Variants in CEACAM5 observed in about 807,000 individuals in gnomAD.
CEACAM5 encodes CEA cell adhesion molecule 5, also known as cell adhesion molecule CEACAM5.
CEACAM5 carries 52 observed loss-of-function variants against 63.0 expected under a neutral mutation model. The observed-to-expected ratio is 0.83, with a 90% CI of 0.66 to 1.04. The LOEUF is 1.04. Ranked by LOEUF, CEACAM5 falls within the 50% of genes least tolerant of loss-of-function variation. CEACAM5 has a pLI of 0.00. For missense variants in CEACAM5, 790 were observed against 864.8 expected (o/e 0.91, Z 1.08); for synonymous variants, 357 against 351.3 (o/e 1.02, Z -0.18).
chr19:41,715,005 C>T lies in CEACAM5; in HGVS notation c.459C>T (p.Asn153=), dbSNP rs868933295. ...CCAAGCCCTCCATCTCCAGCAACAA[C>T]TCCAAACCCGTGGAGGACAAGGATG... ...ELPKPSISSN[N]SKPVEDKDAV... Residue 153 remains asparagine (N), a synonymous_variant, in exon 3 of 10, where the codon AAC becomes AAT. Transcript: ENST00000221992. 4 of 1,614,186 alleles carry T rather than the reference C, an allele frequency of 2.5e-6. No individual in the cohort carries two copies. In the Admixed American group the frequency reaches 5.0e-5, roughly 20 times the overall value.
In CEACAM5 at chr19:41,714,984, G is replaced by A; in HGVS notation, c.438G>A (p.Lys146=). The change falls in exon 3 of 10, where the codon AAG becomes AAA. Residue 146 remains lysine, a synonymous_variant. Coordinates refer to ENST00000221992, the MANE Select transcript of CEACAM5 (RefSeq NM_004363.6). ...GQFRVYPELP[K]PSISSNNSKP... ...TTATCTGCACAGCGGAGCTGCCCAAGCCCTCCATCTCCAGCAACAACTCCA... is the reference window on the plus strand; with the variant it reads ...TTATCTGCACAGCGGAGCTGCCCAAACCCTCCATCTCCAGCAACAACTCCA... 2 of 1,614,208 alleles carry A rather than the reference G, an allele frequency of 1.2e-6. No homozygotes were observed. The highest frequency in any genetic ancestry group is 1.7e-6 in the Non-Finnish European group (2 of 1,180,044).
intron 8 of CEACAM5, among the ~76,000 whole-genome samples, chr19:41,723,687 C>T (rs1053696813): frequency 3.9e-5 from 6 of 151,966 alleles, no homozygotes; most frequent in African/African-American, 7.3e-5. Context: ...CACGGTGGTT[C>T]CTGTAATCCC....
Position 41,730,121 on chromosome 19 carries a change from T to C in CEACAM5, c.*974T>C, listed in dbSNP as rs2072750262. Among the ~76,000 whole-genome samples the C allele has an allele frequency of 6.6e-6, 1 of 152,146 alleles. No homozygotes were observed. The highest frequency in any genetic ancestry group is 2.1e-4 in the South Asian group (1 of 4,836). ...TTATAAAAACTTCCAGCAAAGCAAC[T>C]TTAAAAAAGTCTGTGTGGGCCGGGC... On this transcript the variant is annotated 3_prime_UTR_variant, in exon 10 of 10. Coordinates refer to ENST00000221992, the MANE Select transcript of CEACAM5 (RefSeq NM_004363.6).
intron 2 of CEACAM5, among the ~76,000 whole-genome samples, chr19:41,711,935 A>AGCCCCT (rs1373956930): frequency 6.6e-6 from 1 of 152,138 alleles, no homozygotes; most frequent in Non-Finnish European, 1.5e-5. Flanking sequence ...GCACAGATGG[A>AGCCCCT]GCCCCTGCCA....
chr19:41,728,324 C>T (rs1230457615), intron 9 of CEACAM5, among the ~76,000 whole-genome samples: 2 of 152,174 alleles, frequency 1.3e-5, no homozygotes, highest in Middle Eastern at 3.2e-3. Flanking sequence ...AAAATGGATA[C>T]TTAAGTCCCA....
chr19:41,724,731 G>A (rs2122837930), intron 8 of CEACAM5, among the ~76,000 whole-genome samples: 1 of 152,236 alleles, frequency 6.6e-6, no homozygotes, highest in Non-Finnish European at 1.5e-5. Flanking sequence ...TTATGTTAAT[G>A]TGAATTGGAA....
chr19:41,715,399 TG>T (rs1568703555), intron 3 of CEACAM5, 150 bp downstream of exon 3: 4 of 1,303,328 alleles, frequency 3.1e-6, no homozygotes. Flanking sequence ...CAGAAAAACC[TG>T]GGCAGACCAA....
At chr19:41,710,197 T>G in intron 2 of CEACAM5, 158 bp downstream of exon 2, 1 of 1,119,030 alleles carries the variant, frequency 8.9e-7, no homozygotes, top group East Asian at 2.4e-5. Context: ...GAGACAAACT[T>G]CAACAGATCA....
chr19:41,716,576 C>T (rs146800597), intron 4 of CEACAM5, among the ~76,000 whole-genome samples: 2 of 152,314 alleles, frequency 1.3e-5, no homozygotes, highest in East Asian at 1.9e-4. Context: ...TCCTGAGCTG[C>T]GTCCTGGCTC....
In CEACAM5 at chr19:41,717,510, G is replaced by C. The variant is rs1201580988; in HGVS notation, c.1014G>C (p.Glu338Asp). 1 of 1,614,194 alleles carries C rather than the reference G, an allele frequency of 6.2e-7. No homozygotes were observed. Among genetic ancestry groups the C allele is most frequent in the Admixed American group, 1.7e-5 (1 of 60,024 alleles). ...ACAACTCCAACCCCGTGGAGGATGA[G>C]GATGCTGTAGCCTTAACCTGTGAAC... The part of the protein sequence containing the change: ...TSNNSNPVED[E>D]DAVALTCEPE... Residue 338 changes from glutamate (E) to aspartate (D), a missense_variant, in exon 5 of 10, where the codon GAG becomes GAC. Transcript: ENST00000221992.
intron 8 of CEACAM5, among the ~76,000 whole-genome samples, chr19:41,723,398 T>C (rs973660988): frequency 6.6e-6 from 1 of 152,188 alleles, no homozygotes; most frequent in Non-Finnish European, 1.5e-5. Context: ...TTGACTTGCA[T>C]ATCTCTAAGT....
chr19:41,726,563 CG>C (rs1409470016), intron 8 of CEACAM5, among the ~76,000 whole-genome samples: 7 of 152,056 alleles, frequency 4.6e-5, no homozygotes, highest in Non-Finnish European at 1.0e-4. Flanking sequence ...GATAATTTAC[CG>C]GGGGGAACCA....
intron 2 of CEACAM5, among the ~76,000 whole-genome samples, chr19:41,713,528 A>T (rs562320777): frequency 2.6e-4 from 40 of 152,310 alleles, no homozygotes; most frequent in Admixed American, 2.4e-3. Flanking sequence ...AGATCCCTAG[A>T]ACCTCCTCAT....
intron 8 of CEACAM5, among the ~76,000 whole-genome samples, chr19:41,723,713 C>T (rs893727820): frequency 2.0e-5 from 3 of 151,836 alleles, no homozygotes; most frequent in East Asian, 1.9e-4. Context: ...TTTGGGAGGC[C>T]GAGGCAGGTA....
intron 5 of CEACAM5, among the ~76,000 whole-genome samples, 169 bp downstream of exon 5, chr19:41,717,902 T>G (rs1366942345): frequency 2.0e-5 from 3 of 152,068 alleles, no homozygotes; most frequent in Non-Finnish European, 4.4e-5. Context: ...TGACCAAGAA[T>G]AGGAGGGGAG....
At chr19:41,728,969 A>G (rs933516329) in intron 9 of CEACAM5, among the ~76,000 whole-genome samples, 14 of 152,162 alleles carry the variant, frequency 9.2e-5, no homozygotes, top group Admixed American at 9.2e-4. Flanking sequence ...CTGTCAAATC[A>G]TTAGTGATGT....
intron 2 of CEACAM5, among the ~76,000 whole-genome samples, chr19:41,711,019 T>C (rs1555813964): frequency 2.0e-5 from 3 of 152,154 alleles, no homozygotes; most frequent in Non-Finnish European, 2.9e-5. Flanking sequence ...GGTCTGTCTG[T>C]AGCCACAGCC....
In CEACAM5 at chr19:41,721,043, G is replaced by C. The variant is rs369566364; in HGVS notation, c.1893G>C (p.Gly631=). The change falls in exon 8 of 10, where the codon GGG becomes GGC. Residue 631 remains glycine, a synonymous_variant. Transcript: ENST00000221992. ...PSPQYSWRIN[G]IPQQHTQVLF... is the part of the protein sequence containing the mutation. ...CGCAGTATTCTTGGCGTATCAATGG[G>C]ATACCGCAGCAACACACACAAGTTC... 7.6e-5 allele frequency: 123 copies of C among 1,614,032 alleles called. No individual in the cohort carries two copies. The highest frequency in any genetic ancestry group is 1.0e-4 in the Non-Finnish European group (118 of 1,180,054).
intron 2 of CEACAM5, 167 bp downstream of exon 2, chr19:41,710,206 C>A: frequency 1.9e-6 from 2 of 1,075,786 alleles, no homozygotes; most frequent in South Asian, 1.6e-5. Flanking sequence ...TTCAACAGAT[C>A]AGAATTCCTT....
Sources: gnomAD v4.1 joint callset for allele counts (sites outside exome capture counted in the v4.1 genomes callset) on GRCh38, gnomAD v4.1.1 for gene constraint, MANE v1.5 for transcripts, NCBI Gene and HGNC (gene_info 2026-07-23, HGNC 2026-07-21) for gene names.